Variants in EREG observed in about 807,000 individuals in gnomAD.
EREG encodes epiregulin.
Under a neutral mutation model 22.4 loss-of-function variants are expected in EREG, and 23 were observed. That is an observed-to-expected ratio of 1.03 (90% confidence interval 0.74 to 1.46). The LOEUF (loss-of-function observed/expected upper bound fraction) is 1.46. EREG is among the 40% of genes most tolerant of loss of function. The probability of loss-of-function intolerance (pLI) is 0.00; values close to 1 mark genes in which losing one functional copy is unlikely to be tolerated. For missense variants in EREG, 226 were observed against 205.9 expected (o/e 1.10, Z -0.60); for synonymous variants, 100 against 75.4 (o/e 1.33, Z -1.69).
rs1752563609 is a variant in EREG, at chr4:74,386,056, T to C, written c.*1248T>C. The C allele has an allele frequency of 2.8e-6, 1 of 353,928 alleles. No individual in the cohort carries two copies. The highest frequency in any genetic ancestry group is 5.1e-6 in the Non-Finnish European group (1 of 197,432). The allele number at this position is 353,928 out of a possible 1,614,324, so 21.9% of individuals were successfully genotyped here. A position where few individuals can be genotyped will look rare whatever the true frequency, so the allele number is the denominator to read the frequency against. ...TCATTTTCCTGACATTTGTTTATTT[T>C]TTGGAAGAGACAAAGATTTCTTCTG... On this transcript the variant is annotated 3_prime_UTR_variant, in exon 5 of 5. Coordinates refer to ENST00000244869, the MANE Select transcript of EREG (RefSeq NM_001432.3).
At chr4:74,367,288 A>G (rs1381880917) in intron 1 of EREG, among the ~76,000 whole-genome samples, 1 of 152,228 alleles carries the variant, frequency 6.6e-6, no homozygotes, top group Admixed American at 6.5e-5. Context: ...CCAAGTTCAC[A>G]TAGAAAAATA....
chr4:74,381,320 A>G (rs1752471293), intron 3 of EREG, 183 bp downstream of exon 3: 1 of 520,244 alleles, frequency 1.9e-6, no homozygotes, highest in Non-Finnish European at 3.4e-6. Context: ...AACCCCCCCA[A>G]AACTCTTCTA....
chr4:74,378,240 C>T (rs911555470), intron 1 of EREG, among the ~76,000 whole-genome samples: 2 of 152,042 alleles, frequency 1.3e-5, no homozygotes, highest in Non-Finnish European at 2.9e-5. Context: ...TACCTAGCTG[C>T]CTATCAGTCA....
chr4:74,369,650 A>G (rs888534727), intron 1 of EREG, among the ~76,000 whole-genome samples: 6 of 152,192 alleles, frequency 3.9e-5, no homozygotes, highest in Non-Finnish European at 5.9e-5. Context: ...AATTTGAGGC[A>G]TGAAAGTGAT....
Position 74,379,484 on chromosome 4 carries a change from T to C in EREG, c.104T>C (p.Val35Ala). The stretch of plus-strand genomic sequence containing the variant: ...CTACAGGCAGTCCTCAGTACAACTG[T>C]GATTCCATCATGTATCCCAGGAGAG... ...HLLQAVLSTTVIPSCIPGESS... is the reference protein window; with the variant it reads ...HLLQAVLSTTAIPSCIPGESS... Residue 35 changes from valine (V) to alanine (A), a missense_variant, in exon 2 of 5, where the codon GTG (valine) becomes GCG (alanine). Physicochemically the swap from Val to Ala is moderately conservative, Grantham distance 64. Coordinates refer to ENST00000244869, the MANE Select transcript of EREG (RefSeq NM_001432.3). 6.2e-7 allele frequency: 1 copy of C among 1,612,794 alleles called. No individual in the cohort carries two copies. Among genetic ancestry groups the C allele is most frequent in the East Asian group, 2.2e-5 (1 of 44,836 alleles).
At position 74,382,652 on chromosome 4, in the gene EREG, G is replaced by A; in HGVS notation, c.286G>A (p.Val96Met). 2 of 1,585,016 alleles carry A rather than the reference G, an allele frequency of 1.3e-6. No individual in the cohort carries two copies. The highest frequency in any genetic ancestry group is 1.7e-4 in the Middle Eastern group (1 of 5,914). ...TTCCGTATTTTCCTTCAGGTGTGAAGTGGGTTATACTGGTGTCCGATGTGA... is the reference window on the plus strand; with the variant it reads ...TTCCGTATTTTCCTTCAGGTGTGAAATGGGTTATACTGGTGTCCGATGTGA... ...DMSQNYCRCE[V>M]GYTGVRCEHF... Residue 96 changes from valine (V) to methionine (M), a missense_variant, in exon 4 of 5, where the codon GTG becomes ATG. Physicochemically the swap from Val to Met is conservative, Grantham distance 21. Coordinates refer to ENST00000244869, the MANE Select transcript of EREG (RefSeq NM_001432.3).
rs563349734 is a variant in EREG at position 74,379,301 on chromosome 4, T to A, written c.68-147T>A. On this transcript the variant is annotated intron_variant, in intron 1 of 4. Coordinates refer to ENST00000244869, the MANE Select transcript of EREG (RefSeq NM_001432.3). ...GTTTGTATTTTCTGTTACATGCCTGTTTCCATGAATTATTTTGTTTTATGG... is the reference window on the plus strand; with the variant it reads ...GTTTGTATTTTCTGTTACATGCCTGATTCCATGAATTATTTTGTTTTATGG... 16 of 540,506 alleles carry A rather than the reference T, an allele frequency of 3.0e-5. No homozygotes were observed. The South Asian group carries it at 4.6e-4, about 15-fold the overall frequency. 33.5% of individuals were successfully genotyped at this position (540,506 alleles called of 1,614,324 possible).
Position 74,387,724 on chromosome 4 carries a change from A to G in EREG, c.*2916A>G, listed in dbSNP as rs1404280281. ...CCATTTTACAGATTTCTCACTATAT[A>G]TATTTCTAGAAGGGGCTATGCATAT... On this transcript the variant is annotated 3_prime_UTR_variant, in exon 5 of 5. Transcript: ENST00000244869. 2 of 152,190 alleles carry G rather than the reference A, an allele frequency of 1.3e-5. No individual in the cohort carries two copies. The highest frequency in any genetic ancestry group is 4.8e-5 in the African/African-American group (2 of 41,454). 9.4% of individuals were successfully genotyped at this position (152,190 alleles called of 1,614,324 possible).
chr4:74,375,828 G>C (rs536548548), intron 1 of EREG, among the ~76,000 whole-genome samples: 1 of 152,246 alleles, frequency 6.6e-6, no homozygotes, highest in East Asian at 1.9e-4. Context: ...AATTAATTTT[G>C]CTGTTTTCTT....
chr4:74,370,979 G>A (rs990138948), intron 1 of EREG, among the ~76,000 whole-genome samples: 3 of 152,088 alleles, frequency 2.0e-5, no homozygotes, highest in Non-Finnish European at 2.9e-5. Context: ...TTTGTTGCAG[G>A]GAGGCTGTCC....
intron 1 of EREG, among the ~76,000 whole-genome samples, chr4:74,377,927 A>G (rs1171341792): frequency 1.3e-5 from 2 of 152,190 alleles, no homozygotes; most frequent in African/African-American, 2.4e-5. Flanking sequence ...GCAATTCCAG[A>G]TGAGATGTGG....
At chr4:74,372,952 C>T (rs1258480651) in intron 1 of EREG, among the ~76,000 whole-genome samples, 7 of 146,028 alleles carry the variant, frequency 4.8e-5, no homozygotes, top group South Asian at 2.2e-4. Context: ...GGACCACAGG[C>T]GCCCACCACC....
Position 74,365,237 on chromosome 4 carries a change from T to C in EREG, c.-72T>C, listed in dbSNP as rs984530391. ...CTCTCCAGCCACTGCCGCGAGCCCG[T>C]CTGCTCCCGCCCTGCCCGTGCACTC... On this transcript the variant is annotated 5_prime_UTR_variant, in exon 1 of 5. Coordinates refer to ENST00000244869, the MANE Select transcript of EREG (RefSeq NM_001432.3). 3.2e-4 allele frequency: 403 copies of C among 1,273,112 alleles called. No individual in the cohort carries two copies. Among genetic ancestry groups the C allele is most frequent in the Non-Finnish European group, 4.3e-4 (380 of 893,208 alleles). The allele number at this position is 1,273,112 out of a possible 1,614,324, so 78.9% of individuals were successfully genotyped here.
intron 1 of EREG, among the ~76,000 whole-genome samples, 167 bp downstream of exon 1, chr4:74,365,542 G>C (rs1292252549): frequency 6.6e-6 from 1 of 150,986 alleles, no homozygotes; most frequent in South Asian, 2.1e-4. Flanking sequence ...GGTGGGACTG[G>C]GGTGGGGGGG....
rs569866282 is a variant in EREG, at chr4:74,384,882, T to C, written c.*74T>C. ...ATTAATATTCCCATTTTATTAATAA[T>C]ATTTATGTTGGGTCAAGTGTTAGGT... On this transcript the variant is annotated 3_prime_UTR_variant, in exon 5 of 5. Transcript: ENST00000244869. The C allele has an allele frequency of 1.4e-5, 12 of 841,036 alleles. No homozygotes were observed. In the South Asian group the frequency reaches 1.8e-4, roughly 13 times the overall value. 52.1% of individuals were successfully genotyped at this position (841,036 alleles called of 1,614,324 possible).
At position 74,386,699 on chromosome 4, in the gene EREG, A is replaced by G. The variant is rs539595297; in HGVS notation, c.*1891A>G. The G allele has an allele frequency of 4.6e-4, 70 of 152,368 alleles. No homozygotes were observed. The highest frequency in any genetic ancestry group is 1.6e-3 in the African/African-American group (65 of 41,584). The allele number at this position is 152,368 out of a possible 1,614,324, so 9.4% of individuals were successfully genotyped here. On this transcript the variant is annotated 3_prime_UTR_variant, in exon 5 of 5. Transcript: ENST00000244869. ...TACTTACAGTTGGCCCTCTGTGGTT[A>G]GTTCCACATCTGTGGATTCAACCAA...
chr4:74,381,203 T>G, intron 3 of EREG, 66 bp downstream of exon 3: 1 of 1,420,144 alleles, frequency 7.0e-7, no homozygotes, highest in Non-Finnish European at 9.8e-7. Context: ...GGGGTACAAG[T>G]GCAGATTTGC....
intron 4 of EREG, 78 bp from the exon 5 acceptor site, chr4:74,384,649 T>C: frequency 1.3e-6 from 1 of 774,236 alleles, no homozygotes; most frequent in South Asian, 1.7e-5. Context: ...CTAATGTGCC[T>C]TTGGAGTCCA....
intron 1 of EREG, among the ~76,000 whole-genome samples, chr4:74,373,490 C>T (rs578197294): frequency 6.6e-6 from 1 of 151,350 alleles, no homozygotes; most frequent in East Asian, 1.9e-4. Context: ...TTGCTATAGA[C>T]CGTTTTTACC....
Sources: gnomAD v4.1 joint callset for allele counts (sites outside exome capture counted in the v4.1 genomes callset) on GRCh38, gnomAD v4.1.1 for gene constraint, MANE v1.5 for transcripts, NCBI Gene and HGNC (gene_info 2026-07-23, HGNC 2026-07-21) for gene names.